The following PLXNB2 variants were observed in gnomAD, a reference collection of about 807,000 sequenced individuals.
The protein encoded by PLXNB2 is plexin-B2.
A neutral mutation model predicts 202.6 loss-of-function variants in PLXNB2; 85 were observed. The observed-to-expected ratio is 0.42, with a 90% CI of 0.35 to 0.50. The LOEUF (loss-of-function observed/expected upper bound fraction) is 0.50. Among genes scored for constraint, PLXNB2 ranks in the 20% least tolerant of loss-of-function variants. PLXNB2 has a pLI of 0.02. For synonymous variants in PLXNB2, 1,239 were observed against 1,137.6 expected, an observed-to-expected ratio of 1.09 and a Z score of -1.79; for missense variants, 2,063 against 2,586.2, an observed-to-expected ratio of 0.80 and a Z score of 4.39.
chr22:50,285,990 C>T lies in PLXNB2; in HGVS notation c.1986G>A (p.Met662Ile). 2 of 1,612,228 alleles carry T rather than the reference C, an allele frequency of 1.2e-6. No homozygotes were observed. The highest frequency in any genetic ancestry group is 1.7e-6 in the Non-Finnish European group (2 of 1,179,624). Residue 662 changes from methionine to isoleucine, a missense_variant and splice_region_variant, in exon 10 of 37, where the codon ATG becomes ATA. By Grantham distance (10) the Met-to-Ile change is conservative (BLOSUM62 1). Around this residue, in one of 2 missense-constraint regions of PLXNB2, gnomAD observed 1,303 missense variants for 1,476.8 expected, o/e 0.88. Coordinates refer to ENST00000359337, the MANE Select transcript of PLXNB2 (RefSeq NM_012401.4). Reference protein sequence around the residue: ...NPEDGIVRAHMEDSCPQFLGP... With the variant: ...NPEDGIVRAHIEDSCPQFLGP... ...CCCCTGAGGCCCCGAGGCCCCTCAC[C>T]ATGTGGGCACGGACGATGCCGTCCT...
chr22:50,279,847 G>A, intron 26 of PLXNB2, 71 bp from the exon 27 acceptor site: 3 of 1,565,378 alleles, frequency 1.9e-6, no homozygotes, highest in South Asian at 2.2e-5. Flanking sequence ...CGGAGCCCTG[G>A]CCAGAGGCAT....
At chr22:50,298,553 G>A (rs1481351781) in intron 1 of PLXNB2, among the ~76,000 whole-genome samples, 1 of 152,222 alleles carries the variant, frequency 6.6e-6, no homozygotes, top group Non-Finnish European at 1.5e-5. Context: ...TTCTGAGACC[G>A]CCCCAAGTCT....
At position 50,280,945 on chromosome 22, in the gene PLXNB2, G is replaced by A; in HGVS notation, c.3792C>T (p.Thr1264=). 6.2e-7 allele frequency: 1 copy of A among 1,613,328 alleles called. No individual in the cohort carries two copies. ...GGATGCCGGCCTCGTGCACGTCGTT[G>A]GTCTGGTCCTCCATCTCGATCATCA... The part of the protein sequence containing the change: ...TDLMIEMEDQ[T]NDVHEAGIPV... Residue 1264 remains threonine, a synonymous_variant, in exon 24 of 37, where the codon ACC becomes ACT. Coordinates refer to ENST00000359337, the MANE Select transcript of PLXNB2 (RefSeq NM_012401.4).
At chr22:50,281,263 A>G (rs950662340) in intron 22 of PLXNB2, 74 bp from the exon 23 acceptor site, 3 of 1,571,990 alleles carry the variant, frequency 1.9e-6, no homozygotes, top group African/African-American at 2.7e-5. Context: ...AGGTGGATCT[A>G]CACGCCTGCC....
rs2066189687 is a variant in PLXNB2, at chr22:50,283,624, C to G, written c.2548G>C (p.Glu850Gln). 1.9e-6 allele frequency: 3 copies of G among 1,612,816 alleles called. No homozygotes were observed. The highest frequency in any genetic ancestry group is 2.5e-6 in the Non-Finnish European group (3 of 1,179,902). ...VAGRNCSFQP[E>Q]RYSVSTRIVC... Reference sequence around the variant, plus strand: ...CACCGGGTGGACACGGAGTAACGTTCCGGCTGAAAGGAGCAGTTCCGGCCG... The same window carrying G: ...CACCGGGTGGACACGGAGTAACGTTGCGGCTGAAAGGAGCAGTTCCGGCCG... Residue 850 changes from glutamate (E) to glutamine (Q), a missense_variant, in exon 15 of 37, where the codon GAA becomes CAA. Glu to Gln is a conservative substitution (Grantham distance 29, BLOSUM62 2). Coordinates refer to ENST00000359337, the MANE Select transcript of PLXNB2 (RefSeq NM_012401.4).
intron 1 of PLXNB2, among the ~76,000 whole-genome samples, chr22:50,298,404 T>C (rs1387071933): frequency 6.6e-6 from 1 of 151,998 alleles, no homozygotes; most frequent in Non-Finnish European, 1.5e-5. Flanking sequence ...CCAGGCCCCT[T>C]GCACGGGCTG....
chr22:50,287,095 C>A lies in PLXNB2; in HGVS notation c.1762+16G>T. ...GACCGAGAAGGGCCACCCGGGGGCT[C>A]GGGAAGGGGCCTCACCCTGGCCTGG... On this transcript the variant is annotated intron_variant, in intron 8 of 36. Transcript: ENST00000359337. 1 of 1,487,886 alleles carries A rather than the reference C, an allele frequency of 6.7e-7. No individual in the cohort carries two copies. The highest frequency in any genetic ancestry group is 9.0e-7 in the Non-Finnish European group (1 of 1,115,288). 92.2% of individuals were successfully genotyped at this position (1,487,886 alleles called of 1,614,324 possible).
intron 18 of PLXNB2, 55 bp from the exon 19 acceptor site, chr22:50,282,368 T>C: frequency 2.6e-6 from 4 of 1,537,206 alleles, no homozygotes; most frequent in Non-Finnish European, 3.5e-6. Context: ...CCCTGCAGCC[T>C]CCGCCCTCCC....
At chr22:50,303,193 A>T (rs962105392) in intron 1 of PLXNB2, among the ~76,000 whole-genome samples, 6 of 152,068 alleles carry the variant, frequency 3.9e-5, no homozygotes, top group African/African-American at 1.4e-4. Context: ...GCCAGACCCC[A>T]GCTGAGGACA....
At chr22:50,303,968 C>T (rs1339357517) in intron 1 of PLXNB2, among the ~76,000 whole-genome samples, 1 of 152,244 alleles carries the variant, frequency 6.6e-6, no homozygotes, top group Admixed American at 6.5e-5. Flanking sequence ...GATCCCAGCC[C>T]AGGGCAGTCT....
At chr22:50,277,055 C>T in intron 33 of PLXNB2, 149 bp from the exon 34 acceptor site, 1 of 637,306 alleles carries the variant, frequency 1.6e-6, no homozygotes, top group Non-Finnish European at 2.8e-6. Flanking sequence ...GCCTGTAATC[C>T]TAGCACTTTG....
In PLXNB2 at chr22:50,275,793, C is replaced by G; in HGVS notation, c.5428G>C (p.Glu1810Gln). 1 of 1,612,260 alleles carries G rather than the reference C, an allele frequency of 6.2e-7. No homozygotes were observed. Among genetic ancestry groups the G allele is most frequent in the Non-Finnish European group, 8.5e-7 (1 of 1,179,586 alleles). ...KYYDEIINAL[E>Q]EDPAAQKMQL... ...ATCTTCTGGGCGGCAGGATCCTCCTCCAAGGCATTGATGATCTGAGGGAGG... is the reference window on the plus strand; with the variant it reads ...ATCTTCTGGGCGGCAGGATCCTCCTGCAAGGCATTGATGATCTGAGGGAGG... The change falls in exon 37 of 37, where the codon GAG becomes CAG. Residue 1810 changes from glutamate to glutamine, a missense_variant. This residue lies in a region of PLXNB2 where 760 missense variants were observed against 1,109.4 expected (regional missense o/e 0.69). Coordinates refer to ENST00000359337, the MANE Select transcript of PLXNB2 (RefSeq NM_012401.4).
rs1292339447 is a variant in PLXNB2 at position 50,285,849 on chromosome 22, T to C, written c.2039A>G (p.Asn680Ser). 14 of 1,613,002 alleles carry C rather than the reference T, an allele frequency of 8.7e-6. No homozygotes were observed. Among genetic ancestry groups the C allele is most frequent in the Non-Finnish European group, 1.2e-5 (14 of 1,179,874 alleles). Residue 680 changes from asparagine to serine, a missense_variant, in exon 11 of 37, where the codon AAC becomes AGC. Coordinates refer to ENST00000359337, the MANE Select transcript of PLXNB2 (RefSeq NM_012401.4). ...CTGGAAGTTCACATCTGTCTCGTGG[T>C]TCATGGGGATCACCAGGGGGCTGGG... The part of the protein sequence containing the change: ...LGPSPLVIPM[N>S]HETDVNFQGK...
In PLXNB2 at chr22:50,275,895, A is replaced by G. The variant is rs745450391; in HGVS notation, c.5406T>C (p.Tyr1802=). 38 of 1,612,336 alleles carry G rather than the reference A, an allele frequency of 2.4e-5. No individual in the cohort carries two copies. The South Asian group carries it at 3.7e-4, about 16-fold the overall frequency. ...HQLYQYTQKY[Y]DEIINALEED... ...CCCGGGGGCCTGACCCTACCTCGTC[A>G]TAGTACTTCTGCGTGTATTGGTAGA... Residue 1802 remains tyrosine (Y), a synonymous_variant, in exon 36 of 37, where the codon TAT becomes TAC. Transcript: ENST00000359337.
chr22:50,281,980 G>C lies in PLXNB2; in HGVS notation c.3219C>G (p.Ile1073Met), dbSNP rs371203017. 6.2e-7 allele frequency: 1 copy of C among 1,612,928 alleles called. No individual in the cohort carries two copies. Among genetic ancestry groups the C allele is most frequent in the African/African-American group, 1.3e-5 (1 of 74,924 alleles). ...GCAGGGCACGGTGCCCGTCCATCTCGATCAGCACCGTGAGGTTGTAGGCCT... is the reference window on the plus strand; with the variant it reads ...GCAGGGCACGGTGCCCGTCCATCTCCATCAGCACCGTGAGGTTGTAGGCCT... ...EPEAYNLTVL[I>M]EMDGHRALLR... Residue 1073 changes from isoleucine to methionine, a missense_variant, in exon 20 of 37, where the codon ATC (isoleucine) becomes ATG (methionine). Physicochemically the swap from Ile to Met is conservative, Grantham distance 10. Transcript: ENST00000359337.
chr22:50,289,132 T>C lies in PLXNB2; in HGVS notation c.1079A>G (p.Lys360Arg). ...GTGCTCCGAGCCACATGGGAAGCTC[T>C]TGCTGGAGCCCTGCGGACCACAGCG... ...QCGGHAPGSS[K>R]SFPCGSEHLP... Residue 360 changes from lysine to arginine, a missense_variant, in exon 4 of 37, where the codon AAG (lysine) becomes AGG (arginine). Lys to Arg is a conservative substitution (Grantham distance 26). Coordinates refer to ENST00000359337, the MANE Select transcript of PLXNB2 (RefSeq NM_012401.4). This position sits in a 1 kb window ranked among gnomAD's most constrained non-coding sequence, Gnocchi z 8.0. 6.3e-7 allele frequency: 1 copy of C among 1,576,498 alleles called. No homozygotes were observed. Among genetic ancestry groups the C allele is most frequent in the Non-Finnish European group, 8.6e-7 (1 of 1,162,052 alleles).
At position 50,282,385 on chromosome 22, in the gene PLXNB2, G is replaced by A. The variant is rs1002272805; in HGVS notation, c.2988-72C>T. Reference sequence around the variant, plus strand: ...CTGCAGCCTCCGCCCTCCCGTCCCCGCCCACCCTGGCCCTGACCACACGGG... The same window carrying A: ...CTGCAGCCTCCGCCCTCCCGTCCCCACCCACCCTGGCCCTGACCACACGGG... On this transcript the variant is annotated intron_variant, in intron 18 of 36. Transcript: ENST00000359337. 1.2e-4 allele frequency: 140 copies of A among 1,163,088 alleles called. 1 individual carries two copies. Among genetic ancestry groups the A allele is most frequent in the East Asian group, 4.6e-4 (13 of 28,498 alleles). The allele number at this position is 1,163,088 out of a possible 1,614,324, so 72.0% of individuals were successfully genotyped here.
At position 50,281,200 on chromosome 22, in the gene PLXNB2, C is replaced by T. The variant is rs1392068978; in HGVS notation, c.3663-11G>A. The T allele has an allele frequency of 6.2e-7, 1 of 1,607,264 alleles. No individual in the cohort carries two copies. Among genetic ancestry groups the T allele is most frequent in the South Asian group, 1.1e-5 (1 of 90,528 alleles). ...TGCTGGCTCTTCCTCCTGCAAGGCA[C>T]AGCGGGCCTCCTAGGTTCTGCCGGG... is the stretch of plus-strand genomic sequence containing the variant. On this transcript the variant is annotated splice_polypyrimidine_tract_variant and intron_variant, in intron 22 of 36. Transcript: ENST00000359337.
chr22:50,282,898 G>A lies in PLXNB2; in HGVS notation c.2817-17C>T. 1.2e-6 allele frequency: 2 copies of A among 1,600,748 alleles called. No homozygotes were observed. The highest frequency in any genetic ancestry group is 1.7e-6 in the Non-Finnish European group (2 of 1,172,342). On this transcript the variant is annotated splice_polypyrimidine_tract_variant and intron_variant, in intron 17 of 36. Transcript: ENST00000359337. ...AACTTCGTCCTGGGGGAGGGAGGGT[G>A]CTGGTCTGCATCAACCCCTCCCCCG...
Sources: gnomAD v4.1 joint callset for allele counts (sites outside exome capture counted in the v4.1 genomes callset) on GRCh38, gnomAD v4.1.1 for gene constraint, gnomAD v4.1.1 regional missense constraint, Gnocchi (gnomAD v3.1) non-coding constraint, MANE v1.5 for transcripts, NCBI Gene and HGNC (gene_info 2026-07-23, HGNC 2026-07-21) for gene names.